The following ABCC4 variants were observed in gnomAD, a reference collection of about 807,000 sequenced individuals.
ABCC4 encodes ATP binding cassette subfamily C member 4 (PEL blood group).
A neutral mutation model predicts 168.5 loss-of-function variants in ABCC4; 102 were observed. The observed-to-expected ratio is 0.61, with a 90% confidence interval of 0.52 to 0.71. ABCC4 has a LOEUF of 0.71. ABCC4 is among the 30% of genes least tolerant of loss of function. ABCC4 has a pLI of 0.00. For synonymous variants in ABCC4, 617 were observed against 590.7 expected (o/e 1.04, Z -0.65); for missense variants, 1,402 against 1,605.8 (o/e 0.87, Z 2.17).
At chr13:95,265,000 C>T (rs1021629970) in intron 1 of ABCC4, among the ~76,000 whole-genome samples, 6 of 151,520 alleles carry the variant, frequency 4.0e-5, no homozygotes, top group African/African-American at 1.5e-4. Context: ...TCCTGAGTAG[C>T]TGGGACTACA....
chr13:95,092,033 C>G (rs2034451617), intron 20 of ABCC4, among the ~76,000 whole-genome samples: 1 of 152,140 alleles, frequency 6.6e-6, no homozygotes, highest in East Asian at 1.9e-4. Flanking sequence ...ACAAAACAAA[C>G]TTTAAAGCAA....
At chr13:95,196,595 A>G (rs1221786890) in intron 8 of ABCC4, among the ~76,000 whole-genome samples, 1 of 6,874 alleles carries the variant, frequency 1.5e-4, no homozygotes, top group African/African-American at 6.3e-4. Context: ...GAAGGAAGGA[A>G]GGAAGGAAGG....
chr13:95,221,752 G>C (rs1396684241), intron 4 of ABCC4, among the ~76,000 whole-genome samples: 1 of 150,490 alleles, frequency 6.6e-6, no homozygotes, highest in East Asian at 1.9e-4. Flanking sequence ...ATAGAAAAAA[G>C]GAAAAAACAG....
intron 1 of ABCC4, among the ~76,000 whole-genome samples, chr13:95,284,412 C>T (rs1031340159): frequency 6.6e-6 from 1 of 152,184 alleles, no homozygotes; most frequent in Non-Finnish European, 1.5e-5. Context: ...TGTTCACAAA[C>T]TCCTAGGCTC....
intron 20 of ABCC4, among the ~76,000 whole-genome samples, chr13:95,084,142 T>C (rs943507762): frequency 3.9e-5 from 6 of 152,236 alleles, no homozygotes; most frequent in African/African-American, 1.4e-4. Context: ...TGAATGCTGA[T>C]TGTATATCTG....
chr13:95,115,915 A>G lies in ABCC4; in HGVS notation c.2535+7T>C. The G allele has an allele frequency of 6.2e-7, 1 of 1,609,966 alleles. No homozygotes were observed. Among genetic ancestry groups the G allele is most frequent in the Non-Finnish European group, 8.5e-7 (1 of 1,177,644 alleles). On this transcript the variant is annotated splice_region_variant and intron_variant, in intron 20 of 30. Transcript: ENST00000645237. The stretch of plus-strand genomic sequence containing the variant: ...ATTTGAGATCCTGACATTACTCTCA[A>G]CGTTACCTGGATGAAATCTAAAAAC...
chr13:95,068,892 CT>C, intron 25 of ABCC4, among the ~76,000 whole-genome samples: 1 of 152,350 alleles, frequency 6.6e-6, no homozygotes, highest in East Asian at 1.9e-4. Flanking sequence ...AAACATCCCC[CT>C]GGCCCCATCA....
At chr13:95,061,925 G>A (rs964446869) in intron 26 of ABCC4, among the ~76,000 whole-genome samples, 8 of 152,084 alleles carry the variant, frequency 5.3e-5, no homozygotes, top group Non-Finnish European at 1.0e-4. Flanking sequence ...AGCAATGACA[G>A]GAGCTCTTAT....
intron 27 of ABCC4, among the ~76,000 whole-genome samples, chr13:95,052,182 T>C (rs1475955221): frequency 6.6e-6 from 1 of 152,034 alleles, no homozygotes; most frequent in Non-Finnish European, 1.5e-5. Flanking sequence ...GGTTTCACCA[T>C]GTTGGTCAGG....
rs2034067562 is a variant in ABCC4, at chr13:95,080,733, A to G, written c.2686+2407T>C. Among the ~76,000 whole-genome samples the G allele has an allele frequency of 4.6e-5, 7 of 152,216 alleles. No individual in the cohort carries two copies. The South Asian group carries it at 1.4e-3, about 32-fold the overall frequency. On this transcript the variant is annotated intron_variant, in intron 21 of 30. Coordinates refer to ENST00000645237, the MANE Select transcript of ABCC4 (RefSeq NM_005845.5). ...AGTGATCCACCCACCTCGGCCTCCC[A>G]AAGTGCCAGGATTACAGGTGTGAGC... is the stretch of plus-strand genomic sequence containing the variant.
chr13:95,210,467 G>A (rs2038921690), intron 5 of ABCC4, among the ~76,000 whole-genome samples: 1 of 151,986 alleles, frequency 6.6e-6, no homozygotes, highest in Admixed American at 6.6e-5. Flanking sequence ...CAAAAAAAAA[G>A]AAATTAGCTG....
chr13:95,289,474 G>A (rs2041338255), intron 1 of ABCC4, among the ~76,000 whole-genome samples: 1 of 152,118 alleles, frequency 6.6e-6, no homozygotes, highest in African/African-American at 2.4e-5. Flanking sequence ...TCCTTCACCT[G>A]TATGTAACAC....
chr13:95,203,456 AGGAGCT>A lies in ABCC4; in HGVS notation c.1161+3070_1161+3075del, dbSNP rs2038689513. 5.3e-5 allele frequency among the ~76,000 whole-genome samples: 8 copies of A among 151,244 alleles called. 1 individual carries two copies. The South Asian group carries it at 1.7e-3, about 32-fold the overall frequency. On this transcript the variant is annotated intron_variant, in intron 8 of 30. Coordinates refer to ENST00000645237, the MANE Select transcript of ABCC4 (RefSeq NM_005845.5). ...GGTTCAAGCAAGCCTGAGCCTCCTG[AGGAGCT>A]GGGATTACAGGCGTGTAGCTCAGGA... is the stretch of plus-strand genomic sequence containing the variant.
intron 19 of ABCC4, 125 bp downstream of exon 19, chr13:95,161,064 T>C: frequency 2.2e-6 from 1 of 452,832 alleles, no homozygotes; most frequent in Non-Finnish European, 2.9e-6. Context: ...TTGTGGAAAA[T>C]GAATCAACAT....
At position 95,262,967 on chromosome 13, in the gene ABCC4, T is replaced by C. The variant is rs564894595; in HGVS notation, c.75-15214A>G. 4.6e-5 allele frequency among the ~76,000 whole-genome samples: 7 copies of C among 152,206 alleles called. No individual in the cohort carries two copies. In the South Asian group the frequency reaches 1.5e-3, roughly 32 times the overall value. ...TGCCTTCTTATTCCCGCTCTTAGAG[T>C]AGAAACAACTGTCCTTCTTGTGGGC... On this transcript the variant is annotated intron_variant, in intron 1 of 30. Coordinates refer to ENST00000645237, the MANE Select transcript of ABCC4 (RefSeq NM_005845.5).
At position 95,207,844 on chromosome 13, in the gene ABCC4, G is replaced by A. The variant is rs371626444; in HGVS notation, c.867C>T (p.Tyr289=). 1.4e-4 allele frequency: 223 copies of A among 1,612,766 alleles called. No homozygotes were observed. The highest frequency in any genetic ancestry group is 4.2e-4 in the Admixed American group (25 of 59,626). The change falls in exon 7 of 31, where the codon TAC becomes TAT. Residue 289 remains tyrosine, a synonymous_variant. Coordinates refer to ENST00000645237, the MANE Select transcript of ABCC4 (RefSeq NM_005845.5). ...VITGIRIIKM[Y]AWEKSFSNLI... Reference sequence around the variant, plus strand: ...GATTTGAAAATGACTTTTCCCAGGCGTACATTTTTATTATCCTTATACCAG... The same window carrying A: ...GATTTGAAAATGACTTTTCCCAGGCATACATTTTTATTATCCTTATACCAG...
At chr13:95,110,813 C>T (rs772338963) in intron 20 of ABCC4, among the ~76,000 whole-genome samples, 2 of 151,662 alleles carry the variant, frequency 1.3e-5, no homozygotes, top group African/African-American at 2.4e-5. Flanking sequence ...ACTAAAAATA[C>T]AAAACTTAGC....
chr13:95,127,149 G>A (rs1243896697), intron 19 of ABCC4, among the ~76,000 whole-genome samples: 2 of 151,784 alleles, frequency 1.3e-5, no homozygotes, highest in Non-Finnish European at 2.9e-5. Flanking sequence ...ACACCATGGC[G>A]TTCACCAGTC....
intron 1 of ABCC4, among the ~76,000 whole-genome samples, chr13:95,294,880 G>A (rs975516143): frequency 6.6e-6 from 1 of 152,044 alleles, no homozygotes; most frequent in Non-Finnish European, 1.5e-5. Flanking sequence ...CTTGAACTCC[G>A]GAGGCAGAGG....
Sources: allele counts gnomAD v4.1 joint callset (sites outside exome capture counted in the v4.1 genomes callset), GRCh38; gene constraint gnomAD v4.1.1; transcripts MANE v1.5; gene names NCBI Gene and HGNC (gene_info 2026-07-23, HGNC 2026-07-21).